Variants in CR1L observed in about 807,000 individuals in gnomAD.
The protein encoded by CR1L is complement component receptor 1-like protein.
A neutral mutation model predicts 62.3 loss-of-function variants in CR1L; 59 were observed. The observed-to-expected ratio is 0.95, with a 90% CI of 0.77 to 1.18. The LOEUF is 1.18. Among genes scored for constraint, CR1L ranks in the 50% most tolerant of loss-of-function variants. CR1L has a pLI of 0.00. For missense variants in CR1L, 700 were observed against 702.8 expected (o/e 1.00, Z 0.04); for synonymous variants, 279 against 248.7 (o/e 1.12, Z -1.15).
chr1:207,713,209 C>T (rs1197279620), intron 10 of CR1L, among the ~76,000 whole-genome samples: 7 of 151,508 alleles, frequency 4.6e-5, no homozygotes, highest in East Asian at 3.9e-4. Flanking sequence ...TGAATGGGTA[C>T]GTATTTATTT....
rs367721439 is a variant in CR1L, at chr1:207,671,356, T to C, written c.98-6033T>C. ...AGGGTGAGGGAAAAGAGTATGACTTTACTAGCACTTGAAGAGTGAATCCAG... is the reference window on the plus strand; with the variant it reads ...AGGGTGAGGGAAAAGAGTATGACTTCACTAGCACTTGAAGAGTGAATCCAG... On this transcript the variant is annotated intron_variant, in intron 1 of 11. Coordinates refer to ENST00000508064, the MANE Select transcript of CR1L (RefSeq NM_175710.2). Among the ~76,000 whole-genome samples, 22 of 151,050 alleles carry C rather than the reference T, an allele frequency of 1.5e-4. No homozygotes were observed. The South Asian group carries it at 4.4e-3, about 30-fold the overall frequency.
At chr1:207,666,106 A>C (rs1350013580) in intron 1 of CR1L, among the ~76,000 whole-genome samples, 4 of 152,110 alleles carry the variant, frequency 2.6e-5, no homozygotes, top group Non-Finnish European at 5.9e-5. Context: ...ACTCAACCCT[A>C]ATTCTACTCA....
Position 207,678,308 on chromosome 1 carries a change from A to C in CR1L, c.377+11A>C. The C allele has an allele frequency of 6.2e-7, 1 of 1,607,702 alleles. No individual in the cohort carries two copies. Among genetic ancestry groups the C allele is most frequent in the Non-Finnish European group, 8.5e-7 (1 of 1,174,202 alleles). ...TTCTTGTCCTAAAGGGTGAGTTGGC[A>C]TCTCTTGAACCAACATCTCTTGGTT... On this transcript the variant is annotated intron_variant, in intron 3 of 11. Coordinates refer to ENST00000508064, the MANE Select transcript of CR1L (RefSeq NM_175710.2).
At chr1:207,706,885 G>A (rs1309079836) in intron 9 of CR1L, among the ~76,000 whole-genome samples, 2 of 152,004 alleles carry the variant, frequency 1.3e-5, no homozygotes, top group East Asian at 1.9e-4. Context: ...ACAAAAACTG[G>A]CAATGTAATC....
At chr1:207,654,670 G>A (rs1663278123) in intron 1 of CR1L, among the ~76,000 whole-genome samples, 1 of 152,160 alleles carries the variant, frequency 6.6e-6, no homozygotes, top group African/African-American at 2.4e-5. Flanking sequence ...CACTCACTAT[G>A]TGCCAAATGC....
intron 9 of CR1L, among the ~76,000 whole-genome samples, chr1:207,702,331 T>A (rs1308332567): frequency 6.6e-6 from 1 of 152,170 alleles, no homozygotes; most frequent in East Asian, 1.9e-4. Flanking sequence ...GACAAGACAT[T>A]CCCCTTCTCT....
At chr1:207,688,397 A>G (rs1288856295) in intron 4 of CR1L, among the ~76,000 whole-genome samples, 2 of 152,090 alleles carry the variant, frequency 1.3e-5, no homozygotes, top group African/African-American at 2.4e-5. Context: ...TTTGCCATAC[A>G]TTGTGTTTTT....
At chr1:207,714,850 G>A (rs952059507) in intron 10 of CR1L, among the ~76,000 whole-genome samples, 1 of 152,048 alleles carries the variant, frequency 6.6e-6, no homozygotes, top group Non-Finnish European at 1.5e-5. Context: ...TGTTACATTT[G>A]GAGTGGCGAG....
At chr1:207,710,320 G>T (rs1664333601) in intron 10 of CR1L, 1 of 1,029,136 alleles carries the variant, frequency 9.7e-7, no homozygotes, top group Non-Finnish European at 1.5e-6. Context: ...TCCAGCCTGG[G>T]CGACAGAGCA....
At chr1:207,692,475 T>TC in intron 4 of CR1L, among the ~76,000 whole-genome samples, 1 of 152,288 alleles carries the variant, frequency 6.6e-6, no homozygotes, top group East Asian at 1.9e-4. Context: ...GGTGACCACC[T>TC]CTCCATGGGA....
intron 1 of CR1L, chr1:207,655,056 A>G (rs1663283966): frequency 3.6e-6 from 1 of 281,254 alleles, no homozygotes; most frequent in Non-Finnish European, 7.1e-6. Context: ...CTTTCATTAT[A>G]TAGTATGTTG....
chr1:207,667,795 T>G (rs1300944896), intron 1 of CR1L, among the ~76,000 whole-genome samples: 1 of 151,452 alleles, frequency 6.6e-6, no homozygotes, highest in Non-Finnish European at 1.5e-5. Flanking sequence ...ATATCCAGAA[T>G]ATCTGAGGAA....
chr1:207,672,254 A>G (rs945274601), intron 1 of CR1L, among the ~76,000 whole-genome samples: 1 of 150,684 alleles, frequency 6.6e-6, no homozygotes, highest in Non-Finnish European at 1.5e-5. Flanking sequence ...AACACAGCAG[A>G]CTTCAGACGA....
chr1:207,645,433 C>A (rs1663105075), intron 1 of CR1L, 103 bp downstream of exon 1: 1 of 1,319,318 alleles, frequency 7.6e-7, no homozygotes, highest in Non-Finnish European at 1.1e-6. Context: ...GTCGTGCCTG[C>A]TTGGGATAGA....
At chr1:207,680,311 GTAAA>G (rs1663775341) in intron 3 of CR1L, among the ~76,000 whole-genome samples, 1 of 152,130 alleles carries the variant, frequency 6.6e-6, no homozygotes, top group African/African-American at 2.4e-5. Context: ...CTACATAAAA[GTAAA>G]TACACAGGCA....
chr1:207,712,414 T>C (rs535994492), intron 10 of CR1L, among the ~76,000 whole-genome samples: 124 of 152,292 alleles, frequency 8.1e-4, no homozygotes, highest in African/African-American at 2.7e-3. Flanking sequence ...CTAGGGAGAA[T>C]TGTGTTCTAT....
chr1:207,721,040 C>A (rs2102485898), intron 11 of CR1L, among the ~76,000 whole-genome samples: 3 of 152,234 alleles, frequency 2.0e-5, no homozygotes, highest in Admixed American at 2.0e-4. Flanking sequence ...TTCGATGCAA[C>A]ACAGCCTTGA....
At chr1:207,678,803 A>G (rs1663747944) in intron 3 of CR1L, among the ~76,000 whole-genome samples, 1 of 152,286 alleles carries the variant, frequency 6.6e-6, no homozygotes, top group Admixed American at 6.5e-5. Context: ...AGCCAGATCC[A>G]TAGCCATGCT....
At chr1:207,707,623 G>A (rs190636494) in intron 9 of CR1L, among the ~76,000 whole-genome samples, 13 of 152,048 alleles carry the variant, frequency 8.5e-5, no homozygotes, top group South Asian at 2.1e-4. Flanking sequence ...GCCAGACTCC[G>A]TCTAAAAAAA....
Sources: gnomAD v4.1 joint callset for allele counts (sites outside exome capture counted in the v4.1 genomes callset) on GRCh38, gnomAD v4.1.1 for gene constraint, MANE v1.5 for transcripts, NCBI Gene and HGNC (gene_info 2026-07-23, HGNC 2026-07-21) for gene names.